The following RNF207 variants were observed in gnomAD, a reference collection of about 807,000 sequenced individuals.
RNF207 encodes the protein ring finger protein 207.
A neutral mutation model predicts 79.0 loss-of-function variants in RNF207; 72 were observed. That is an observed-to-expected ratio of 0.91 (90% confidence interval 0.75 to 1.11). The LOEUF is 1.11. RNF207 is among the 50% of genes least tolerant of loss of function. The pLI, the probability that RNF207 is intolerant of heterozygous loss-of-function variation, is 0.00. For missense variants in RNF207, 936 were observed against 855.8 expected (o/e 1.09, Z -1.17); for synonymous variants, 348 against 366.2 (o/e 0.95, Z 0.57).
Position 6,219,634 on chromosome 1 carries a change from A to T in RNF207, c.*227A>T, listed in dbSNP as rs1210650885. ...CAGCCTCCCGAGTAGCTGGGATTAC[A>T]GGCGCCTGACACCACGCCCCGCTAA... is the stretch of plus-strand genomic sequence containing the variant. On this transcript the variant is annotated 3_prime_UTR_variant, in exon 18 of 18. Transcript: ENST00000377939. 11 of 287,050 alleles carry T rather than the reference A, an allele frequency of 3.8e-5. No individual in the cohort carries two copies. The East Asian group carries it at 6.9e-4, about 18-fold the overall frequency. The allele number at this position is 287,050 out of a possible 1,614,324, so 17.8% of individuals were successfully genotyped here.
chr1:6,206,856 C>T lies in RNF207; in HGVS notation c.191+130C>T, dbSNP rs113414574. The T allele has an allele frequency of 4.5e-4, 320 of 705,706 alleles. 2 individuals carry two copies. In the African/African-American group the frequency reaches 5.3e-3, roughly 12 times the overall value. The allele number at this position is 705,706 out of a possible 1,614,324, so 43.7% of individuals were successfully genotyped here. A position where few individuals can be genotyped will look rare whatever the true frequency, so the allele number is the denominator to read the frequency against. ...CTTCAGGCAGAACGACTGGGAGATA[C>T]TGCACCCGGTCCTTAGCTCTCCCCG... is the stretch of plus-strand genomic sequence containing the variant. On this transcript the variant is annotated intron_variant, in intron 2 of 17. Transcript: ENST00000377939.
chr1:6,209,366 CG>C (rs764370810), intron 6 of RNF207, 23 bp downstream of exon 6: 54 of 1,528,228 alleles, frequency 3.5e-5, no homozygotes, highest in Admixed American at 6.1e-5. Flanking sequence ...GCCTGGCGCG[CG>C]GGGCCGCGCG....
intron 13 of RNF207, 31 bp downstream of exon 13, chr1:6,212,084 A>G (rs747991880): frequency 1.9e-6 from 3 of 1,567,626 alleles, no homozygotes; most frequent in East Asian, 2.3e-5. Flanking sequence ...CGGAGGGGGG[A>G]GATGTCCTAA....
intron 1 of RNF207, 80 bp from the exon 2 acceptor site, chr1:6,206,456 G>A (rs1156915681): frequency 1.8e-6 from 2 of 1,091,008 alleles, no homozygotes; most frequent in East Asian, 2.6e-5. Flanking sequence ...GGAGGGCGCG[G>A]GCGCCCGGGC....
In RNF207 at chr1:6,211,605, CTCGG is replaced by C. The variant is rs932275342; in HGVS notation, c.1110-259_1110-256del. On this transcript the variant is annotated intron_variant, in intron 12 of 17. Coordinates refer to ENST00000377939, the MANE Select transcript of RNF207 (RefSeq NM_207396.3). This position sits in a 1 kb window ranked among gnomAD's most constrained non-coding sequence, Gnocchi z 4.2. ...AGCATAGAAGTGAACACACCACTCA[CTCGG>C]TCCTGGCCCCGGCAGCATTCCGACG... 3.3e-4 allele frequency among the ~76,000 whole-genome samples: 51 copies of C among 152,342 alleles called. No homozygotes were observed. Among genetic ancestry groups the C allele is most frequent in the African/African-American group, 1.2e-3 (50 of 41,576 alleles).
chr1:6,213,341 T>G (rs1008438729), intron 16 of RNF207, among the ~76,000 whole-genome samples, 158 bp downstream of exon 16: 17 of 152,082 alleles, frequency 1.1e-4, no homozygotes, highest in African/African-American at 3.9e-4. Flanking sequence ...GCCAACATGG[T>G]GGAACCCCAT....
rs375305088 is a variant in RNF207, at chr1:6,211,946, G to A, written c.1189G>A (p.Val397Ile). Reference sequence around the variant, plus strand: ...AGTAGGAAAGATGTCGGGGTCACCCGTCCAAAAGCCCACGCTGCACCGGTC... The same window carrying A: ...AGTAGGAAAGATGTCGGGGTCACCCATCCAAAAGCCCACGCTGCACCGGTC... ...SPVGKMSGSP[V>I]QKPTLHRSIS... Residue 397 changes from valine (V) to isoleucine (I), a missense_variant, in exon 13 of 18, where the codon GTC becomes ATC. By Grantham distance (29) the Val-to-Ile change is conservative. Coordinates refer to ENST00000377939, the MANE Select transcript of RNF207 (RefSeq NM_207396.3). This position sits in a 1 kb window ranked among gnomAD's most constrained non-coding sequence, Gnocchi z 4.2. 3.3e-5 allele frequency: 51 copies of A among 1,559,444 alleles called. No individual in the cohort carries two copies. The highest frequency in any genetic ancestry group is 1.7e-4 in the Middle Eastern group (1 of 5,964).
chr1:6,219,324 C>T lies in RNF207; in HGVS notation c.1822C>T (p.Pro608Ser). 1 of 1,612,460 alleles carries T rather than the reference C, an allele frequency of 6.2e-7. No homozygotes were observed. Among genetic ancestry groups the T allele is most frequent in the South Asian group, 1.1e-5 (1 of 91,016 alleles). ...SWAPNGLSEE[P>S]LLKNMDHHRS... Reference sequence around the variant, plus strand: ...GGCTCCGAACGGCCTCTCAGAAGAGCCTCTACTGAAAAATATGGATCATCA... The same window carrying T: ...GGCTCCGAACGGCCTCTCAGAAGAGTCTCTACTGAAAAATATGGATCATCA... Residue 608 changes from proline to serine, a missense_variant, in exon 18 of 18, where the codon CCT becomes TCT. Coordinates refer to ENST00000377939, the MANE Select transcript of RNF207 (RefSeq NM_207396.3).
Position 6,211,858 on chromosome 1 carries a change from T to C in RNF207, c.1110-9T>C. The C allele has an allele frequency of 6.5e-7, 1 of 1,545,938 alleles. No homozygotes were observed. Among genetic ancestry groups the C allele is most frequent in the Non-Finnish European group, 8.7e-7 (1 of 1,145,018 alleles). On this transcript the variant is annotated splice_polypyrimidine_tract_variant and intron_variant, in intron 12 of 17. Transcript: ENST00000377939. This position sits in a 1 kb window ranked among gnomAD's most constrained non-coding sequence, Gnocchi z 4.2. ...CACCCCCCTGCATCCACACTGGCTC[T>C]CTCCCCAGGCTGGCAGGGGGCTTAG...
Position 6,207,430 on chromosome 1 carries a change from G to A in RNF207, c.243G>A (p.Leu81=), listed in dbSNP as rs1466657680. The change falls in exon 3 of 18, where the codon CTG becomes CTA. Residue 81 remains leucine, a synonymous_variant. Transcript: ENST00000377939. The surrounding 1 kb of genome is among the most constrained non-coding windows in gnomAD (Gnocchi z 4.5). ...GPSGLPPVDR[L]LQFLVDSSGD... ...GCGGGCTCCCGCCGGTGGACCGGCT[G>A]CTGCAGTTCCTGGTGGACAGCTCAG... The A allele has an allele frequency of 4.5e-6, 7 of 1,558,250 alleles. No individual in the cohort carries two copies. The highest frequency in any genetic ancestry group is 1.2e-5 in the South Asian group (1 of 82,058).
rs1389234310 is a variant in RNF207 at position 6,211,620 on chromosome 1, G to A, written c.1110-247G>A. Among the ~76,000 whole-genome samples, 2 of 152,320 alleles carry A rather than the reference G, an allele frequency of 1.3e-5. No individual in the cohort carries two copies. Among genetic ancestry groups the A allele is most frequent in the Middle Eastern group, 3.4e-3 (1 of 294 alleles). On this transcript the variant is annotated intron_variant, in intron 12 of 17. Transcript: ENST00000377939. The surrounding 1 kb of genome is among the most constrained non-coding windows in gnomAD (Gnocchi z 4.2). ...ACACCACTCACTCGGTCCTGGCCCC[G>A]GCAGCATTCCGACGGACTTGCTCTT...
rs1359558135 is a variant in RNF207 at position 6,207,031 on chromosome 1, G to A, written c.191+305G>A. 6.9e-6 allele frequency among the ~76,000 whole-genome samples: 1 copy of A among 144,930 alleles called. No homozygotes were observed. Among genetic ancestry groups the A allele is most frequent in the Non-Finnish European group, 1.6e-5 (1 of 63,630 alleles). Reference sequence around the variant, plus strand: ...GGACGCTCCCGGTTACTCGCTTGGGGGTCCTAGAAGTCTTAGGTCCACAAA... The same window carrying A: ...GGACGCTCCCGGTTACTCGCTTGGGAGTCCTAGAAGTCTTAGGTCCACAAA... On this transcript the variant is annotated intron_variant, in intron 2 of 17. Coordinates refer to ENST00000377939, the MANE Select transcript of RNF207 (RefSeq NM_207396.3). This position sits in a 1 kb window ranked among gnomAD's most constrained non-coding sequence, Gnocchi z 4.5.
chr1:6,209,301 G>A lies in RNF207; in HGVS notation c.585G>A (p.Ser195=). 5.2e-6 allele frequency: 8 copies of A among 1,548,296 alleles called. No homozygotes were observed. The highest frequency in any genetic ancestry group is 7.0e-6 in the Non-Finnish European group (8 of 1,146,700). ...ESRAHCVDLE[S]AYVQGCERLE... ...GGGCACACTGCGTGGACCTGGAATC[G>A]GCTTACGTGCAGGGCTGCGAGCGGC... The change falls in exon 6 of 18, where the codon TCG becomes TCA. Residue 195 remains serine (S), a synonymous_variant. Transcript: ENST00000377939.
At position 6,211,489 on chromosome 1, in the gene RNF207, C is replaced by T. The variant is rs149076899; in HGVS notation, c.1109+371C>T. Among the ~76,000 whole-genome samples the T allele has an allele frequency of 6.6e-6, 1 of 152,254 alleles. No individual in the cohort carries two copies. The highest frequency in any genetic ancestry group is 1.5e-5 in the Non-Finnish European group (1 of 67,998). On this transcript the variant is annotated intron_variant, in intron 12 of 17. Transcript: ENST00000377939. This position sits in a 1 kb window ranked among gnomAD's most constrained non-coding sequence, Gnocchi z 4.2. ...TAGGGGGCCTGATTCCTGGACTCAT[C>T]TGGAGAGGAGTTAGAAGAGATGCTG...
rs1668155787 is a variant in RNF207, at chr1:6,211,249, A to G, written c.1109+131A>G. 1.5e-6 allele frequency: 1 copy of G among 648,600 alleles called. No individual in the cohort carries two copies. The highest frequency in any genetic ancestry group is 2.7e-6 in the Non-Finnish European group (1 of 374,948). 40.2% of individuals were successfully genotyped at this position (648,600 alleles called of 1,614,324 possible). ...TTCCTTCCTCCGTCCTTAGCTCGCC[A>G]CCCTCCCAGCAGGGTGTCTGGGCAC... is the stretch of plus-strand genomic sequence containing the variant. On this transcript the variant is annotated intron_variant, in intron 12 of 17. Transcript: ENST00000377939. This position sits in a 1 kb window ranked among gnomAD's most constrained non-coding sequence, Gnocchi z 4.2.
chr1:6,208,970 G>A lies in RNF207; in HGVS notation c.414G>A (p.Ala138=). 6 of 1,534,592 alleles carry A rather than the reference G, an allele frequency of 3.9e-6. No homozygotes were observed. Among genetic ancestry groups the A allele is most frequent in the Non-Finnish European group, 5.2e-6 (6 of 1,144,466 alleles). Residue 138 remains alanine, a synonymous_variant, in exon 4 of 18, where the codon GCG becomes GCA. Transcript: ENST00000377939. ...RDETHRARMF[A]RHDIVALGQR... The stretch of plus-strand genomic sequence containing the variant: ...AGACGCACCGAGCACGCATGTTCGC[G>A]CGCCACGACATCGTGGCCCTGGGTC...
intron 16 of RNF207, among the ~76,000 whole-genome samples, chr1:6,216,465 T>C (rs1668363486): frequency 6.6e-6 from 1 of 152,150 alleles, no homozygotes; most frequent in Admixed American, 6.5e-5. Context: ...ACTCATCCAC[T>C]GAGTCTGCTC....
intron 13 of RNF207, 65 bp from the exon 14 acceptor site, chr1:6,212,163 TCCA>T: frequency 1.9e-6 from 3 of 1,548,772 alleles, no homozygotes; most frequent in African/African-American, 1.4e-5. Flanking sequence ...GAGCCATTCC[TCCA>T]CCAAGTCCAT....
At chr1:6,208,311 G>A (rs6680884) in intron 3 of RNF207, 14,413 of 150,814 alleles carry the variant, frequency 0.096, 1,326 homozygotes, top group African/African-American at 0.24. Flanking sequence ...TTTGTTGCAG[G>A]TAAAAAAAAA....
Sources: gnomAD v4.1 joint callset for allele counts (sites outside exome capture counted in the v4.1 genomes callset) on GRCh38, gnomAD v4.1.1 for gene constraint, Gnocchi (gnomAD v3.1) non-coding constraint, MANE v1.5 for transcripts, NCBI Gene and HGNC (gene_info 2026-07-23, HGNC 2026-07-21) for gene names.